CSGALNACT1: variants seen among roughly 807,000 people sequenced by gnomAD.
CSGALNACT1 encodes beta4GalNAcT-1.
CSGALNACT1 carries 52 observed loss-of-function variants against 51.0 expected under a neutral mutation model. That is an observed-to-expected ratio of 1.02 (90% CI 0.82 to 1.29). The LOEUF (loss-of-function observed/expected upper bound fraction) is 1.29. CSGALNACT1 is among the 50% of genes most tolerant of loss of function. The pLI, the probability that CSGALNACT1 is intolerant of heterozygous loss-of-function variation, is 0.00. For missense variants in CSGALNACT1, 935 were observed against 679.2 expected (o/e 1.38, Z -4.19); for synonymous variants, 341 against 254.4 (o/e 1.34, Z -3.24).
At chr8:19,717,868 T>C (rs2062899979) in intron 1 of CSGALNACT1, among the ~76,000 whole-genome samples, 1 of 152,090 alleles carries the variant, frequency 6.6e-6, no homozygotes. Context: ...GCAACCCTAG[T>C]CTAGACTAGT....
chr8:19,566,381 A>G (rs1314935315), intron 3 of CSGALNACT1, among the ~76,000 whole-genome samples: 2 of 152,186 alleles, frequency 1.3e-5, no homozygotes, highest in African/African-American at 4.8e-5. Flanking sequence ...CTTCATTTGA[A>G]TATCTAGTCT....
chr8:19,636,668 C>A (rs925468405), intron 1 of CSGALNACT1, among the ~76,000 whole-genome samples: 4 of 152,184 alleles, frequency 2.6e-5, no homozygotes, highest in Non-Finnish European at 5.9e-5. Context: ...CACATACAGT[C>A]GGTAGTGCTG....
intron 1 of CSGALNACT1, among the ~76,000 whole-genome samples, chr8:19,725,037 G>T (rs2063322173): frequency 1.3e-5 from 2 of 152,174 alleles, no homozygotes; most frequent in African/African-American, 4.8e-5. Flanking sequence ...CTCCAACCTT[G>T]CTCCTGCCCA....
chr8:19,617,227 A>C (rs1455792546), intron 1 of CSGALNACT1, among the ~76,000 whole-genome samples: 2 of 152,178 alleles, frequency 1.3e-5, no homozygotes, highest in African/African-American at 4.8e-5. Context: ...GGCAGAGCTT[A>C]AGCAGTGATG....
At chr8:19,750,715 C>G (rs2064976448) in intron 1 of CSGALNACT1, among the ~76,000 whole-genome samples, 3 of 152,178 alleles carry the variant, frequency 2.0e-5, no homozygotes, top group Admixed American at 2.0e-4. Context: ...TTCCTCTCTC[C>G]TGCACTGTCT....
chr8:19,631,804 C>T (rs1190537754), intron 1 of CSGALNACT1, among the ~76,000 whole-genome samples: 1 of 152,206 alleles, frequency 6.6e-6, no homozygotes, highest in South Asian at 2.1e-4. Context: ...CAAAGCTTCT[C>T]AGATTTAAAC....
intron 1 of CSGALNACT1, among the ~76,000 whole-genome samples, chr8:19,654,318 G>T (rs2058077674): frequency 6.6e-6 from 1 of 152,174 alleles, no homozygotes; most frequent in Non-Finnish European, 1.5e-5. Context: ...AGGAAGGGAA[G>T]GAGTTCCAAC....
chr8:19,538,765 A>G (rs2084378970), intron 3 of CSGALNACT1, among the ~76,000 whole-genome samples: 1 of 152,042 alleles, frequency 6.6e-6, no homozygotes, highest in Admixed American at 6.6e-5. Context: ...CACTCTGCAC[A>G]TCTGGGTCAA....
At chr8:19,457,066 T>C (rs987495572) in intron 5 of CSGALNACT1, among the ~76,000 whole-genome samples, 4 of 152,216 alleles carry the variant, frequency 2.6e-5, no homozygotes, top group Non-Finnish European at 5.9e-5. Flanking sequence ...ACTAGTAATG[T>C]AGGCAGCTTC....
intron 1 of CSGALNACT1, among the ~76,000 whole-genome samples, chr8:19,752,953 T>G (rs1044296480): frequency 4.7e-4 from 72 of 152,166 alleles, no homozygotes; most frequent in African/African-American, 1.7e-3. Context: ...ACTCCCAAGT[T>G]TAAAGACTCA....
At chr8:19,543,583 A>T (rs1463286995) in intron 3 of CSGALNACT1, among the ~76,000 whole-genome samples, 1 of 152,002 alleles carries the variant, frequency 6.6e-6, no homozygotes, top group Non-Finnish European at 1.5e-5. Context: ...TGAACCCTAA[A>T]CTCACAGTCT....
chr8:19,414,837 T>A (rs2056559013), intron 8 of CSGALNACT1, among the ~76,000 whole-genome samples: 1 of 152,260 alleles, frequency 6.6e-6, no homozygotes, highest in African/African-American at 2.4e-5. Context: ...CCAAGAAGGC[T>A]ATCAAGGATG....
intron 1 of CSGALNACT1, among the ~76,000 whole-genome samples, chr8:19,639,795 T>A (rs2056529549): frequency 6.6e-6 from 1 of 151,850 alleles, no homozygotes; most frequent in Non-Finnish European, 1.5e-5. Context: ...TTAAGGAGTC[T>A]CCTGAATTTA....
chr8:19,560,097 G>A (rs1005731481), intron 3 of CSGALNACT1, among the ~76,000 whole-genome samples: 1 of 152,166 alleles, frequency 6.6e-6, no homozygotes, highest in African/African-American at 2.4e-5. Context: ...TTTTTGGTAT[G>A]TTGCATAGGT....
At chr8:19,501,639 AC>A (rs2076439450) in intron 4 of CSGALNACT1, among the ~76,000 whole-genome samples, 1 of 152,244 alleles carries the variant, frequency 6.6e-6, no homozygotes. Context: ...CATAGGGGTC[AC>A]ATTATCAGAT....
Position 19,574,608 on chromosome 8 carries a change from G to A in CSGALNACT1, c.-297+16552C>T, listed in dbSNP as rs149638345. Among the ~76,000 whole-genome samples, 62 of 152,246 alleles carry A rather than the reference G, an allele frequency of 4.1e-4. No individual in the cohort carries two copies. In the East Asian group the frequency reaches 0.011, roughly 27 times the overall value. On this transcript the variant is annotated intron_variant, in intron 3 of 9. Coordinates refer to ENST00000454498, the Ensembl canonical transcript of CSGALNACT1. ...AGCCACAGCCAGCCCACCTCGTGCT[G>A]CCTGAGGTTCAGGAGTCCGACCCTG...
chr8:19,418,282 C>A (rs1430411088), intron 8 of CSGALNACT1, among the ~76,000 whole-genome samples: 2 of 152,136 alleles, frequency 1.3e-5, no homozygotes, highest in Admixed American at 1.3e-4. Context: ...TGAGCCACCC[C>A]ATTCTGATTT....
intron 1 of CSGALNACT1, among the ~76,000 whole-genome samples, chr8:19,636,291 G>A (rs985037735): frequency 5.9e-5 from 9 of 152,092 alleles, no homozygotes; most frequent in South Asian, 2.1e-4. Context: ...ATCTCTAACT[G>A]TGCCTGATAA....
chr8:19,583,341 T>C (rs558457110), intron 3 of CSGALNACT1, among the ~76,000 whole-genome samples: 1 of 152,316 alleles, frequency 6.6e-6, no homozygotes, highest in East Asian at 1.9e-4. Flanking sequence ...ATCTTTTCAT[T>C]TCAGCCCTCA....
Sources: allele counts gnomAD v4.1 joint callset (sites outside exome capture counted in the v4.1 genomes callset), GRCh38; gene constraint gnomAD v4.1.1; transcripts MANE v1.5; gene names NCBI Gene and HGNC (gene_info 2026-07-23, HGNC 2026-07-21).